The following CATSPERB variants were observed in gnomAD, a reference collection of about 807,000 sequenced individuals.
The protein encoded by CATSPERB is catsper channel auxiliary subunit beta.
In CATSPERB, 93 loss-of-function variants were observed where a neutral mutation model predicts 128.3. The ratio of observed to expected loss-of-function variants is 0.72; its 90% CI spans 0.61 to 0.86. The LOEUF is 0.86. CATSPERB is among the 40% of genes least tolerant of loss of function. The probability of loss-of-function intolerance (pLI) is 0.00; values close to 1 mark genes in which losing one functional copy is unlikely to be tolerated. For missense variants in CATSPERB, 1,153 were observed against 1,329.5 expected, an observed-to-expected ratio of 0.87 and a Z score of 2.06; for synonymous variants, 381 against 448.8, an observed-to-expected ratio of 0.85 and a Z score of 1.91.
At chr14:91,603,408 C>A (rs146503372) in intron 22 of CATSPERB, 1 of 1,605,658 alleles carries the variant, frequency 6.2e-7, no homozygotes, top group African/African-American at 1.3e-5. Flanking sequence ...ATAAGCAGCA[C>A]GTCCTCATCC....
intron 20 of CATSPERB, among the ~76,000 whole-genome samples, chr14:91,612,053 TTTCTTTCTTTC>T (rs1214847999): frequency 1.7e-5 from 2 of 117,862 alleles, no homozygotes; most frequent in Non-Finnish European, 3.7e-5. Flanking sequence ...TCTTTCTTTC[TTTCTTTCTTTC>T]TTCCTTTTTT....
intron 15 of CATSPERB, among the ~76,000 whole-genome samples, chr14:91,649,331 A>G (rs10140826): frequency 0.013 from 1,885 of 147,650 alleles, 222 homozygotes; most frequent in Middle Eastern, 0.028. Context: ...GTATACATAT[A>G]TGTGTGTGTG....
chr14:91,590,782 C>CT (rs1893383876), intron 23 of CATSPERB, among the ~76,000 whole-genome samples: 1 of 151,794 alleles, frequency 6.6e-6, no homozygotes, highest in Admixed American at 6.6e-5. Context: ...TCCCCAGTAG[C>CT]TGGGACTACA....
intron 18 of CATSPERB, among the ~76,000 whole-genome samples, chr14:91,624,264 CT>C (rs1306248583): frequency 6.6e-5 from 10 of 152,138 alleles, no homozygotes; most frequent in African/African-American, 2.4e-4. Flanking sequence ...GGCAGATTGC[CT>C]GAGCTCAGGA....
intron 22 of CATSPERB, chr14:91,605,140 C>A (rs1180949577): frequency 2.3e-6 from 3 of 1,317,206 alleles, no homozygotes; most frequent in Middle Eastern, 2.4e-4. Context: ...CCTAAATAAG[C>A]AGATCCACGG....
At chr14:91,724,976 G>A (rs1023146020) in intron 3 of CATSPERB, 104 bp downstream of exon 3, 1 of 458,990 alleles carries the variant, frequency 2.2e-6, no homozygotes. Context: ...CCCCAAGACT[G>A]AACATAGTAG....
intron 15 of CATSPERB, among the ~76,000 whole-genome samples, chr14:91,653,213 G>A (rs992709914): frequency 2.0e-5 from 3 of 152,154 alleles, no homozygotes; most frequent in African/African-American, 7.2e-5. Flanking sequence ...AAAATGCTGT[G>A]TGTTAAAAAC....
At chr14:91,706,647 C>T (rs748260824) in intron 6 of CATSPERB, among the ~76,000 whole-genome samples, 6 of 152,146 alleles carry the variant, frequency 3.9e-5, no homozygotes, top group Non-Finnish European at 7.4e-5. Context: ...AGGTTTTACA[C>T]TCTCTTTTGA....
rs774419612 is a variant in CATSPERB, at chr14:91,596,197, T to C, written c.2710-4195A>G. ...CATCTGTTAGAGTCTGATAGCTAAT[T>C]ATAAATCCACCCCCCTTTTTTTTTG... On this transcript the variant is annotated intron_variant, in intron 22 of 26. Transcript: ENST00000256343. Among the ~76,000 whole-genome samples, 2 of 152,146 alleles carry C rather than the reference T, an allele frequency of 1.3e-5. 1 individual carries two copies. Among genetic ancestry groups the C allele is most frequent in the Middle Eastern group, 6.8e-3 (2 of 294 alleles).
At chr14:91,693,589 C>T in intron 7 of CATSPERB, 110 bp from the exon 8 acceptor site, 3 of 708,122 alleles carry the variant, frequency 4.2e-6, no homozygotes, top group Non-Finnish European at 7.5e-6. Context: ...CTATGACTCT[C>T]ACTTCCCAAA....
intron 15 of CATSPERB, among the ~76,000 whole-genome samples, chr14:91,648,791 GT>G (rs1412258717): frequency 3.9e-5 from 6 of 151,976 alleles, no homozygotes; most frequent in Non-Finnish European, 8.8e-5. Context: ...TTAGCTTTAA[GT>G]TTTTCACTCC....
At chr14:91,704,898 C>T (rs1895710725) in intron 6 of CATSPERB, among the ~76,000 whole-genome samples, 197 bp from the exon 7 acceptor site, 1 of 152,204 alleles carries the variant, frequency 6.6e-6, no homozygotes, top group Non-Finnish European at 1.5e-5. Context: ...TCTAATTCCC[C>T]TTGGTGGGGG....
At chr14:91,605,081 G>A in intron 22 of CATSPERB, 1 of 1,234,910 alleles carries the variant, frequency 8.1e-7, no homozygotes, top group East Asian at 2.3e-5. Context: ...ACTCTTCTCT[G>A]CAGAAGTGGG....
chr14:91,640,238 C>G (rs375722730), intron 15 of CATSPERB, among the ~76,000 whole-genome samples: 2,019 of 143,472 alleles, frequency 0.014, 44 homozygotes, highest in African/African-American at 0.047. Context: ...CAATGTCATT[C>G]TTTTTATTTT....
intron 22 of CATSPERB, chr14:91,603,422 A>C (rs1347808949): frequency 6.3e-6 from 10 of 1,598,284 alleles, no homozygotes; most frequent in African/African-American, 2.7e-5. Context: ...CTCATCCTTT[A>C]TTCCCAGCCA....
chr14:91,722,948 G>T, intron 4 of CATSPERB, 101 bp downstream of exon 4: 1 of 880,518 alleles, frequency 1.1e-6, no homozygotes, highest in Non-Finnish European at 1.6e-6. Context: ...ATACATAGAT[G>T]TAATATTACT....
chr14:91,602,989 TTCC>T (rs1382728255), intron 22 of CATSPERB, among the ~76,000 whole-genome samples: 3 of 152,182 alleles, frequency 2.0e-5, no homozygotes, highest in African/African-American at 7.2e-5. Context: ...TCTTTTCCAA[TTCC>T]TCAATTTTTT....
intron 26 of CATSPERB, among the ~76,000 whole-genome samples, chr14:91,584,845 G>A (rs1743175): frequency 6.6e-6 from 1 of 151,954 alleles, no homozygotes; most frequent in African/African-American, 2.4e-5. Flanking sequence ...AATATTTTAT[G>A]ATCTTGATTT....
intron 13 of CATSPERB, 115 bp downstream of exon 13, chr14:91,672,752 C>T (rs1895120382): frequency 1.3e-6 from 1 of 765,830 alleles, no homozygotes; most frequent in Non-Finnish European, 2.0e-6. Context: ...TTTGCTATAG[C>T]CAATTTTATA....
Sources: allele counts gnomAD v4.1 joint callset (sites outside exome capture counted in the v4.1 genomes callset), GRCh38; gene constraint gnomAD v4.1.1; transcripts MANE v1.5; gene names NCBI Gene and HGNC (gene_info 2026-07-23, HGNC 2026-07-21).